The following MEGF8 variants were observed in gnomAD, a reference collection of about 807,000 sequenced individuals.
MEGF8 encodes the protein multiple EGF like domains 8.
MEGF8 carries 156 observed loss-of-function variants against 302.9 expected under a neutral mutation model. The ratio of observed to expected loss-of-function variants is 0.52; its 90% CI spans 0.45 to 0.59. The LOEUF (loss-of-function observed/expected upper bound fraction) is 0.59, where lower values mean the gene tolerates loss of function less well. Ranked by LOEUF, MEGF8 falls within the 20% of genes least tolerant of loss-of-function variation. The pLI, the probability that MEGF8 is intolerant of heterozygous loss-of-function variation, is 0.00. For synonymous variants in MEGF8, 1,621 were observed against 1,660.5 expected, an observed-to-expected ratio of 0.98 and a Z score of 0.58; for missense variants, 3,345 against 3,964.5, an observed-to-expected ratio of 0.84 and a Z score of 4.20.
At position 42,351,865 on chromosome 19, in the gene MEGF8, T is replaced by G. The variant is rs1244850572; in HGVS notation, c.3101+104T>G. On this transcript the variant is annotated intron_variant, in intron 18 of 41. Coordinates refer to ENST00000251268, the MANE Select transcript of MEGF8 (RefSeq NM_001271938.2). This position sits in a 1 kb window ranked among gnomAD's most constrained non-coding sequence, Gnocchi z 5.6. ...CTTCTCTGCCCTCTTGCCCATCCCATGGCCACCTTCCCTTTTCCGTACTGT... is the reference window on the plus strand; with the variant it reads ...CTTCTCTGCCCTCTTGCCCATCCCAGGGCCACCTTCCCTTTTCCGTACTGT... 2 of 943,960 alleles carry G rather than the reference T, an allele frequency of 2.1e-6. No homozygotes were observed. The highest frequency in any genetic ancestry group is 3.3e-5 in the African/African-American group (2 of 60,896). 58.5% of individuals were successfully genotyped at this position (943,960 alleles called of 1,614,324 possible).
At chr19:42,374,575 T>C (rs1303084516) in intron 41 of MEGF8, among the ~76,000 whole-genome samples, 2 of 151,486 alleles carry the variant, frequency 1.3e-5, no homozygotes, top group Non-Finnish European at 1.5e-5. Context: ...TGGTTTCCAC[T>C]AAGCCACAGG....
At chr19:42,335,445 C>A (rs556868157) in intron 5 of MEGF8, 60 bp downstream of exon 5, 4 of 1,510,646 alleles carry the variant, frequency 2.6e-6, no homozygotes, top group East Asian at 2.3e-5. Context: ...CAGCCGGGGA[C>A]CCCCGGAATG....
In MEGF8 at chr19:42,376,413, C is replaced by A; in HGVS notation, c.8176C>A (p.Arg2726Ser). The change falls in exon 42 of 42, where the codon CGC (arginine) becomes AGC (serine). Residue 2726 changes from arginine to serine, a missense_variant. Coordinates refer to ENST00000251268, the MANE Select transcript of MEGF8 (RefSeq NM_001271938.2). The surrounding 1 kb of genome is among the most constrained non-coding windows in gnomAD (Gnocchi z 8.2). ...GGCTGGGCTCCCACCTCCCGCCTTCCGCCGCTCTGAGCCCTTCCTGGCACC... is the reference window on the plus strand; with the variant it reads ...GGCTGGGCTCCCACCTCCCGCCTTCAGCCGCTCTGAGCCCTTCCTGGCACC... The part of the protein sequence containing the change: ...KPAGLPPPAF[R>S]RSEPFLAPLL... 6.2e-7 allele frequency: 1 copy of A among 1,612,740 alleles called. No individual in the cohort carries two copies.
chr19:42,360,502 T>C (rs2039516266), intron 31 of MEGF8, among the ~76,000 whole-genome samples: 1 of 151,992 alleles, frequency 6.6e-6, no homozygotes, highest in South Asian at 2.1e-4. Flanking sequence ...CGCACCACCA[T>C]GCCCAGCTAA....
chr19:42,354,624 T>C lies in MEGF8; in HGVS notation c.4048T>C (p.Phe1350Leu), dbSNP rs201209045. ...YVLAFDGFPR[F>L]LDTGVVQSDR... ...CCTGGCGTTTGATGGATTCCCACGC[T>C]TCCTGGACACTGGTGTTGTCCAGTC... is the stretch of plus-strand genomic sequence containing the variant. The change falls in exon 23 of 42, where the codon TTC becomes CTC. Residue 1350 changes from phenylalanine (F) to leucine (L), a missense_variant. Physicochemically the swap from Phe to Leu is conservative, Grantham distance 22. Transcript: ENST00000251268. The surrounding 1 kb of genome is among the most constrained non-coding windows in gnomAD (Gnocchi z 4.3). 2.5e-6 allele frequency: 4 copies of C among 1,613,142 alleles called. No homozygotes were observed. Among genetic ancestry groups the C allele is most frequent in the Non-Finnish European group, 3.4e-6 (4 of 1,179,802 alleles).
chr19:42,344,934 A>C lies in MEGF8; in HGVS notation c.2097+101A>C. The C allele has an allele frequency of 1.6e-6, 2 of 1,218,522 alleles. No homozygotes were observed. The highest frequency in any genetic ancestry group is 1.1e-6 in the Non-Finnish European group (1 of 916,548). 75.5% of individuals were successfully genotyped at this position (1,218,522 alleles called of 1,614,324 possible). A position where few individuals can be genotyped will look rare whatever the true frequency, so the allele number is the denominator to read the frequency against. On this transcript the variant is annotated intron_variant, in intron 12 of 41. Transcript: ENST00000251268. This position sits in a 1 kb window ranked among gnomAD's most constrained non-coding sequence, Gnocchi z 4.5. The stretch of plus-strand genomic sequence containing the variant: ...TTATCACTCTTATGTTTACTCCAAA[A>C]CTCTTTACATTCAAGGGTCTTATTT...
chr19:42,369,091 G>T lies in MEGF8; in HGVS notation c.6641+89G>T, dbSNP rs1487253650. 10 of 1,502,598 alleles carry T rather than the reference G, an allele frequency of 6.7e-6. No individual in the cohort carries two copies. In the East Asian group the frequency reaches 1.4e-4, roughly 21 times the overall value. 93.1% of individuals were successfully genotyped at this position (1,502,598 alleles called of 1,614,324 possible). A position where few individuals can be genotyped will look rare whatever the true frequency, so the allele number is the denominator to read the frequency against. ...ATGGATGAGGCCTAGAGCCAAGCAG[G>T]ACAGAAGAAAAGAAAGCTCGAGGCA... On this transcript the variant is annotated intron_variant, in intron 37 of 41. Transcript: ENST00000251268. The surrounding 1 kb of genome is among the most constrained non-coding windows in gnomAD (Gnocchi z 5.7).
Position 42,344,432 on chromosome 19 carries a change from T to A in MEGF8, c.1789-9T>A, listed in dbSNP as rs1287223055. 5.1e-6 allele frequency: 8 copies of A among 1,580,176 alleles called. No homozygotes were observed. The highest frequency in any genetic ancestry group is 6.8e-6 in the Non-Finnish European group (8 of 1,169,988). On this transcript the variant is annotated splice_polypyrimidine_tract_variant and intron_variant, in intron 10 of 41. Transcript: ENST00000251268. The surrounding 1 kb of genome is among the most constrained non-coding windows in gnomAD (Gnocchi z 4.5). ...TGACAGTGAGCCCTTTCCCCTCTCC[T>A]CCTCGCAGTGTCCAGCCGCCAGCTG...
chr19:42,347,701 A>G (rs974871193), intron 12 of MEGF8, among the ~76,000 whole-genome samples: 8 of 152,114 alleles, frequency 5.3e-5, no homozygotes, highest in East Asian at 1.9e-4. Flanking sequence ...CATGTTGGTC[A>G]GGCTGGTCTT....
At position 42,354,072 on chromosome 19, in the gene MEGF8, TC is replaced by T; in HGVS notation, c.4011+52del. 6.5e-7 allele frequency: 1 copy of T among 1,542,660 alleles called. No individual in the cohort carries two copies. ...TTCAGGCGCATGAGCCAGAACCGTG[TC>T]CCCTGACCCAGCCTGCATCCTCAGA... On this transcript the variant is annotated intron_variant, in intron 22 of 41. Coordinates refer to ENST00000251268, the MANE Select transcript of MEGF8 (RefSeq NM_001271938.2). The surrounding 1 kb of genome is among the most constrained non-coding windows in gnomAD (Gnocchi z 4.3).
rs2039265161 is a variant in MEGF8 at position 42,344,745 on chromosome 19, C to T, written c.2009C>T (p.Ser670Phe). 2 of 1,612,304 alleles carry T rather than the reference C, an allele frequency of 1.2e-6. No individual in the cohort carries two copies. The highest frequency in any genetic ancestry group is 3.3e-4 in the Middle Eastern group (2 of 6,016). ...GGGCCTGCGCCTGTCTTCGTCACGTCCCTGGAGGCCTGCGTCACCCAGAGC... is the reference window on the plus strand; with the variant it reads ...GGGCCTGCGCCTGTCTTCGTCACGTTCCTGGAGGCCTGCGTCACCCAGAGC... ...WWGPAPVFVT[S>F]LEACVTQSFL... is the part of the protein sequence containing the mutation. Residue 670 changes from serine to phenylalanine, a missense_variant, in exon 12 of 42, where the codon TCC becomes TTC. Transcript: ENST00000251268. The surrounding 1 kb of genome is among the most constrained non-coding windows in gnomAD (Gnocchi z 4.5).
chr19:42,349,201 G>A (rs1264016966), intron 13 of MEGF8, among the ~76,000 whole-genome samples: 1 of 151,900 alleles, frequency 6.6e-6, no homozygotes, highest in African/African-American at 2.4e-5. Context: ...TTGGGAGGCT[G>A]AGGTGGGAGG....
At position 42,352,961 on chromosome 19, in the gene MEGF8, T is replaced by C; in HGVS notation, c.3384T>C (p.Ser1128=). 6.2e-7 allele frequency: 1 copy of C among 1,601,704 alleles called. No individual in the cohort carries two copies. Among genetic ancestry groups the C allele is most frequent in the East Asian group, 2.3e-5 (1 of 44,412 alleles). Residue 1128 remains serine (S), a synonymous_variant, in exon 20 of 42, where the codon AGT becomes AGC. Coordinates refer to ENST00000251268, the MANE Select transcript of MEGF8 (RefSeq NM_001271938.2). The surrounding 1 kb of genome is among the most constrained non-coding windows in gnomAD (Gnocchi z 4.4). ...CLEDCGHGVC[S]GPPDFTCVCD... is the part of the protein sequence containing the mutation. ...AGGACTGTGGCCATGGTGTGTGCAG[T>C]GGCCCCCCGGACTTTACCTGCGTGT...
intron 34 of MEGF8, 31 bp from the exon 35 acceptor site, chr19:42,363,017 T>G: frequency 5.7e-6 from 9 of 1,586,604 alleles, no homozygotes; most frequent in Non-Finnish European, 6.9e-6. Flanking sequence ...CTCCTGGGTC[T>G]GAGGTTCTAA....
Position 42,344,617 on chromosome 19 carries a change from G to A in MEGF8, c.1933+32G>A. The A allele has an allele frequency of 6.4e-7, 1 of 1,573,952 alleles. No homozygotes were observed. The highest frequency in any genetic ancestry group is 8.6e-7 in the Non-Finnish European group (1 of 1,157,650). On this transcript the variant is annotated intron_variant, in intron 11 of 41. Coordinates refer to ENST00000251268, the MANE Select transcript of MEGF8 (RefSeq NM_001271938.2). This position sits in a 1 kb window ranked among gnomAD's most constrained non-coding sequence, Gnocchi z 4.5. ...GTCCGCAGCAGTGGGCCGGCAGGAG[G>A]GGGCCAGAGCACTCCACACTGACCC... is the stretch of plus-strand genomic sequence containing the variant.
chr19:42,334,148 G>T lies in MEGF8; in HGVS notation c.493G>T (p.Gly165Trp), dbSNP rs1214708807. ...PGVCACEPGW[G>W]GPDCGLQECS... ...TGTGTGTGCCTGCGAGCCGGGCTGGGGGGGTCCTGACTGTGGCCTGCAGGA... is the reference window on the plus strand; with the variant it reads ...TGTGTGTGCCTGCGAGCCGGGCTGGTGGGGTCCTGACTGTGGCCTGCAGGA... The change falls in exon 3 of 42, where the codon GGG (glycine) becomes TGG (tryptophan). Residue 165 changes from glycine to tryptophan, a missense_variant. By Grantham distance (184) the Gly-to-Trp change is radical (BLOSUM62 -2). Transcript: ENST00000251268. 3.1e-6 allele frequency: 5 copies of T among 1,611,718 alleles called. No individual in the cohort carries two copies. The highest frequency in any genetic ancestry group is 4.2e-6 in the Non-Finnish European group (5 of 1,179,682).
rs1391781625 is a variant in MEGF8 at position 42,353,528 on chromosome 19, C to G, written c.3614C>G (p.Ser1205Cys). Residue 1205 changes from serine to cysteine, a missense_variant, in exon 21 of 42, where the codon TCT becomes TGT. Physicochemically the swap from Ser to Cys is moderately radical, Grantham distance 112. Coordinates refer to ENST00000251268, the MANE Select transcript of MEGF8 (RefSeq NM_001271938.2). This position sits in a 1 kb window ranked among gnomAD's most constrained non-coding sequence, Gnocchi z 6.1. Reference sequence around the variant, plus strand: ...GGCAGCTTCGGCAACGCCACAGGCTCTAGGGGCTGCCGGCCCTGCCAGTGC... The same window carrying G: ...GGCAGCTTCGGCAACGCCACAGGCTGTAGGGGCTGCCGGCCCTGCCAGTGC... ...RPGSFGNATG[S>C]RGCRPCQCNG... is the part of the protein sequence containing the mutation. 1 of 1,608,076 alleles carries G rather than the reference C, an allele frequency of 6.2e-7. No individual in the cohort carries two copies. Among genetic ancestry groups the G allele is most frequent in the African/African-American group, 1.3e-5 (1 of 74,988 alleles).
chr19:42,354,612 G>A lies in MEGF8; in HGVS notation c.4036G>A (p.Gly1346Arg). The part of the protein sequence containing the change: ...CTLSYVLAFD[G>R]FPRFLDTGVV... ...GCTGAGCTACGTCCTGGCGTTTGATGGATTCCCACGCTTCCTGGACACTGG... is the reference window on the plus strand; with the variant it reads ...GCTGAGCTACGTCCTGGCGTTTGATAGATTCCCACGCTTCCTGGACACTGG... Residue 1346 changes from glycine (G) to arginine (R), a missense_variant, in exon 23 of 42, where the codon GGA becomes AGA. Transcript: ENST00000251268. The surrounding 1 kb of genome is among the most constrained non-coding windows in gnomAD (Gnocchi z 4.3). The A allele has an allele frequency of 1.2e-6, 2 of 1,612,850 alleles. No individual in the cohort carries two copies. The highest frequency in any genetic ancestry group is 1.7e-6 in the Non-Finnish European group (2 of 1,179,602).
At chr19:42,341,076 C>T (rs2039205642) in intron 8 of MEGF8, among the ~76,000 whole-genome samples, 2 of 152,134 alleles carry the variant, frequency 1.3e-5, no homozygotes, top group South Asian at 4.1e-4. Context: ...AGCAGTCCTC[C>T]CACCTCTGCC....
Sources: gnomAD v4.1 joint callset for allele counts (sites outside exome capture counted in the v4.1 genomes callset) on GRCh38, gnomAD v4.1.1 for gene constraint, Gnocchi (gnomAD v3.1) non-coding constraint, MANE v1.5 for transcripts, NCBI Gene and HGNC (gene_info 2026-07-23, HGNC 2026-07-21) for gene names.